Variants in CACNA1C observed in about 807,000 individuals in gnomAD.
CACNA1C encodes the protein calcium voltage-gated channel subunit alpha1 C, also known as voltage-dependent L-type calcium channel subunit alpha-1C.
Under a neutral mutation model 229.0 loss-of-function variants are expected in CACNA1C, and 30 were observed. That is an observed-to-expected ratio of 0.13 (90% CI 0.10 to 0.18). CACNA1C has a LOEUF of 0.18. CACNA1C is among the 10% of genes least tolerant of loss of function. The probability of loss-of-function intolerance (pLI) is 1.00; values close to 1 mark genes in which losing one functional copy is unlikely to be tolerated. For missense variants in CACNA1C, 1,658 were observed against 2,845.0 expected (o/e 0.58, Z 9.49); for synonymous variants, 1,114 against 1,132.5 (o/e 0.98, Z 0.33).
chr12:2,304,603 C>T (rs2094860547), intron 3 of CACNA1C, among the ~76,000 whole-genome samples: 1 of 151,690 alleles, frequency 6.6e-6, no homozygotes, highest in South Asian at 2.1e-4. Flanking sequence ...GGCAGGCAGC[C>T]CCTGCCTCCT....
intron 4 of CACNA1C, among the ~76,000 whole-genome samples, chr12:2,449,709 C>T (rs2099341515): frequency 6.6e-6 from 1 of 152,226 alleles, no homozygotes; most frequent in Admixed American, 6.5e-5. Flanking sequence ...CCTGATGGAA[C>T]CCAGGCTGCT....
chr12:2,379,139 C>T (rs1027474871), intron 3 of CACNA1C, among the ~76,000 whole-genome samples: 4 of 152,184 alleles, frequency 2.6e-5, no homozygotes, highest in African/African-American at 9.7e-5. Context: ...TTGGCAATGT[C>T]CCTTTGACAG....
intron 3 of CACNA1C, among the ~76,000 whole-genome samples, chr12:2,447,395 C>T (rs1158492531): frequency 3.3e-5 from 5 of 152,148 alleles, no homozygotes; most frequent in South Asian, 2.1e-4. Context: ...TTTCCCACGC[C>T]GCGGCGTGAT....
intron 1 of CACNA1C, among the ~76,000 whole-genome samples, chr12:1,994,493 G>C (rs1225853302): frequency 4.6e-5 from 7 of 152,180 alleles, no homozygotes; most frequent in Non-Finnish European, 7.3e-5. Context: ...GGGGTAAAGT[G>C]GTGGTAAGCA....
At chr12:2,390,766 G>A (rs1010519009) in intron 3 of CACNA1C, among the ~76,000 whole-genome samples, 1 of 152,156 alleles carries the variant, frequency 6.6e-6, no homozygotes, top group African/African-American at 2.4e-5. Flanking sequence ...AGCTAAAGCT[G>A]AGAACTGGAC....
At chr12:2,273,479 G>A (rs1277763825) in intron 3 of CACNA1C, among the ~76,000 whole-genome samples, 2 of 152,170 alleles carry the variant, frequency 1.3e-5, no homozygotes, top group African/African-American at 4.8e-5. Flanking sequence ...GACTCCCAGA[G>A]CCGGCTCTTT....
intron 9 of CACNA1C, among the ~76,000 whole-genome samples, chr12:2,529,664 A>G (rs1043845568): frequency 6.6e-6 from 1 of 152,216 alleles, no homozygotes; most frequent in Non-Finnish European, 1.5e-5. Context: ...CCAGGCACAT[A>G]AATTAATTTT....
At chr12:2,421,944 C>G (rs959315100) in intron 3 of CACNA1C, among the ~76,000 whole-genome samples, 1 of 151,974 alleles carries the variant, frequency 6.6e-6, no homozygotes, top group African/African-American at 2.4e-5. Context: ...TTCTCTGTCT[C>G]TTGTCATGGC....
At chr12:2,154,633 A>G (rs1287045730) in intron 3 of CACNA1C, among the ~76,000 whole-genome samples, 2 of 152,150 alleles carry the variant, frequency 1.3e-5, no homozygotes, top group Non-Finnish European at 2.9e-5. Flanking sequence ...GGCTCCAGGG[A>G]AGAAGTCACT....
intron 3 of CACNA1C, among the ~76,000 whole-genome samples, chr12:2,327,772 G>T (rs973007299): frequency 2.6e-5 from 4 of 152,196 alleles, no homozygotes; most frequent in African/African-American, 4.8e-5. Context: ...AAAGCAAAAC[G>T]AAAATTCAGT....
chr12:2,113,137 C>T (rs553310195), intron 1 of CACNA1C, among the ~76,000 whole-genome samples: 1 of 152,326 alleles, frequency 6.6e-6, no homozygotes, highest in East Asian at 1.9e-4. Flanking sequence ...ACACCTGTCT[C>T]ACCTGCCTCA....
intron 29 of CACNA1C, among the ~76,000 whole-genome samples, chr12:2,631,267 C>T (rs2090268992): frequency 6.6e-6 from 1 of 152,162 alleles, no homozygotes; most frequent in Admixed American, 6.5e-5. Flanking sequence ...CTCACACCTT[C>T]CTCTCTCTCC....
In CACNA1C at chr12:2,410,475, A is replaced by G. The variant is rs76374143; in HGVS notation, c.478-38501A>G. Among the ~76,000 whole-genome samples the G allele has an allele frequency of 1.2e-3, 187 of 152,372 alleles. 3 individuals carry two copies. In the East Asian group the frequency reaches 0.028, roughly 23 times the overall value. On this transcript the variant is annotated intron_variant, in intron 3 of 46. Transcript: ENST00000399655. This position sits in a 1 kb window ranked among gnomAD's most constrained non-coding sequence, Gnocchi z 5.3. ...TCGTTTTCAAAGGACCATGATTTCC[A>G]TGGATTACTTTGTGCAAAGGATGCC...
chr12:2,674,334 G>GGGAA (rs886764840), intron 38 of CACNA1C: 1 of 710,770 alleles, frequency 1.4e-6, no homozygotes, highest in Non-Finnish European at 2.2e-6. Flanking sequence ...AGAGGGAAGG[G>GGGAA]GGAAGGAAGG....
At position 2,605,858 on chromosome 12, in the gene CACNA1C, G is replaced by C. The variant is rs2075068780; in HGVS notation, c.3156+72G>C. 9.5e-7 allele frequency: 1 copy of C among 1,052,332 alleles called. No individual in the cohort carries two copies. The highest frequency in any genetic ancestry group is 1.7e-5 in the Admixed American group (1 of 57,546). The allele number at this position is 1,052,332 out of a possible 1,614,324, so 65.2% of individuals were successfully genotyped here. ...GCATTCCTGGGGAAGGGAACTGGCA[G>C]ATATAGTACAAACGAGACAGTGTCC... On this transcript the variant is annotated intron_variant, in intron 24 of 46. Transcript: ENST00000399655. This position sits in a 1 kb window ranked among gnomAD's most constrained non-coding sequence, Gnocchi z 6.2.
intron 30 of CACNA1C, 27 bp downstream of exon 30, chr12:2,634,407 C>CT: frequency 7.8e-7 from 1 of 1,282,598 alleles, no homozygotes; most frequent in South Asian, 1.3e-5. Context: ...TGTCCCTAAC[C>CT]GTCCGTGCCT....
At position 2,641,958 on chromosome 12, in the gene CACNA1C, C is replaced by G. The variant is rs112356520; in HGVS notation, c.3913-6517C>G. 5.3e-5 allele frequency among the ~76,000 whole-genome samples: 8 copies of G among 152,174 alleles called. No individual in the cohort carries two copies. The South Asian group carries it at 1.7e-3, about 32-fold the overall frequency. ...TCCCCTGGGAGGAGGCCGAATGCCC[C>G]GGATCTCAAGGTCTAGGGCGAGGCT... On this transcript the variant is annotated intron_variant, in intron 30 of 46. Coordinates refer to ENST00000399655, the MANE Select transcript of CACNA1C (RefSeq NM_000719.7).
In CACNA1C at chr12:2,632,870, C is replaced by T. The variant is rs1234538785; in HGVS notation, c.3829-1427C>T. Among the ~76,000 whole-genome samples the T allele has an allele frequency of 6.6e-6, 1 of 152,186 alleles. No homozygotes were observed. The highest frequency in any genetic ancestry group is 1.5e-5 in the Non-Finnish European group (1 of 68,040). ...GCCCTGTCAAGAGCCACATAACACACTCCCGGAGTAGGAGCCCAGCCTTGC... is the reference window on the plus strand; with the variant it reads ...GCCCTGTCAAGAGCCACATAACACATTCCCGGAGTAGGAGCCCAGCCTTGC... On this transcript the variant is annotated intron_variant, in intron 29 of 46. Coordinates refer to ENST00000399655, the MANE Select transcript of CACNA1C (RefSeq NM_000719.7). The surrounding 1 kb of genome is among the most constrained non-coding windows in gnomAD (Gnocchi z 4.1).
chr12:2,547,582 T>A (rs1017972683), intron 9 of CACNA1C: 7 of 769,548 alleles, frequency 9.1e-6, no homozygotes, highest in Admixed American at 1.7e-5. Context: ...CCAGACTGAA[T>A]GGGAAGGTGT....
Sources: gnomAD v4.1 joint callset for allele counts (sites outside exome capture counted in the v4.1 genomes callset) on GRCh38, gnomAD v4.1.1 for gene constraint, Gnocchi (gnomAD v3.1) non-coding constraint, MANE v1.5 for transcripts, NCBI Gene and HGNC (gene_info 2026-07-23, HGNC 2026-07-21) for gene names.